The following SCIMP variants were observed in gnomAD, a reference collection of about 807,000 sequenced individuals.
The protein encoded by SCIMP is SLP adaptor and CSK interacting membrane protein.
Under a neutral mutation model 22.0 loss-of-function variants are expected in SCIMP, and 18 were observed. The ratio of observed to expected loss-of-function variants is 0.82; its 90% CI spans 0.56 to 1.21. The LOEUF (loss-of-function observed/expected upper bound fraction) is 1.21, where lower values mean the gene tolerates loss of function less well. SCIMP is among the 50% of genes most tolerant of loss of function. The pLI, the probability that SCIMP is intolerant of heterozygous loss-of-function variation, is 0.00. For synonymous variants in SCIMP, 53 were observed against 62.2 expected (o/e 0.85, Z 0.70); for missense variants, 155 against 171.2 (o/e 0.91, Z 0.53).
At chr17:5,225,771 A>C (rs1163247474) in intron 1 of SCIMP, among the ~76,000 whole-genome samples, 1 of 151,824 alleles carries the variant, frequency 6.6e-6, no homozygotes, top group African/African-American at 2.4e-5. Flanking sequence ...TGAAAAAAAA[A>C]AAAAAACACC....
chr17:5,225,770 A>C (rs2074643575), intron 1 of SCIMP, among the ~76,000 whole-genome samples: 1 of 151,852 alleles, frequency 6.6e-6, no homozygotes, highest in African/African-American at 2.4e-5. Flanking sequence ...CTGAAAAAAA[A>C]AAAAAAACAC....
chr17:5,214,860 A>AT, intron 4 of SCIMP, 65 bp downstream of exon 4: 1 of 792,392 alleles, frequency 1.3e-6, no homozygotes, highest in Non-Finnish European at 2.1e-6. Flanking sequence ...AAAAAAAAAA[A>AT]AAGACACCTT....
intron 1 of SCIMP, among the ~76,000 whole-genome samples, chr17:5,229,525 C>T (rs2074677593): frequency 1.3e-5 from 2 of 150,078 alleles, no homozygotes; most frequent in Non-Finnish European, 2.9e-5. Flanking sequence ...TCCCAAGTAG[C>T]TGGGACTACA....
chr17:5,210,629 C>T lies in SCIMP; in HGVS notation c.*172G>A, dbSNP rs531695180. On this transcript the variant is annotated 3_prime_UTR_variant, in exon 5 of 5. Coordinates refer to ENST00000574081, the MANE Select transcript of SCIMP (RefSeq NM_207103.3). ...TCTCCTCTGGCTGCAGTCATCCGAT[C>T]GCAGGGGTGTCTTCATCTAAGGTTT... is the stretch of plus-strand genomic sequence containing the variant. The T allele has an allele frequency of 1.3e-5, 10 of 782,420 alleles. No homozygotes were observed. Among genetic ancestry groups the T allele is most frequent in the East Asian group, 5.8e-5 (2 of 34,220 alleles). 48.5% of individuals were successfully genotyped at this position (782,420 alleles called of 1,614,324 possible).
intron 1 of SCIMP, among the ~76,000 whole-genome samples, chr17:5,224,940 G>C (rs997298489): frequency 6.6e-6 from 1 of 152,236 alleles, no homozygotes; most frequent in African/African-American, 2.4e-5. Flanking sequence ...AGAGTTAACA[G>C]GCATTTGGGG....
intron 3 of SCIMP, among the ~76,000 whole-genome samples, chr17:5,220,481 A>G (rs2074598546): frequency 6.6e-6 from 1 of 151,200 alleles, no homozygotes; most frequent in African/African-American, 2.4e-5. Flanking sequence ...GCTCACGTCT[A>G]TAATCCCAGC....
At chr17:5,211,620 GAA>G (rs1394361102) in intron 4 of SCIMP, among the ~76,000 whole-genome samples, 1 of 152,100 alleles carries the variant, frequency 6.6e-6, no homozygotes, top group East Asian at 1.9e-4. Context: ...ACAAGGAAGT[GAA>G]ACAAATCATA....
intron 1 of SCIMP, among the ~76,000 whole-genome samples, chr17:5,232,919 C>T (rs1257378652): frequency 1.3e-5 from 2 of 152,208 alleles, no homozygotes; most frequent in South Asian, 2.1e-4. Context: ...GCCATGTTGG[C>T]CTGGCTGGTC....
chr17:5,211,933 A>G (rs1225213070), intron 4 of SCIMP, among the ~76,000 whole-genome samples: 3 of 152,124 alleles, frequency 2.0e-5, no homozygotes, highest in African/African-American at 7.2e-5. Context: ...CTATAATCCC[A>G]GCAACTCGGG....
chr17:5,212,508 C>T (rs2074533011), intron 4 of SCIMP, among the ~76,000 whole-genome samples: 2 of 152,154 alleles, frequency 1.3e-5, no homozygotes, highest in African/African-American at 4.8e-5. Context: ...GTGGCAGGCA[C>T]CTGTAGTCCC....
chr17:5,225,396 C>G (rs1034189886), intron 1 of SCIMP, among the ~76,000 whole-genome samples: 2 of 151,752 alleles, frequency 1.3e-5, no homozygotes, highest in African/African-American at 2.4e-5. Context: ...AGCCAGGAAG[C>G]AGAGGTGGCA....
intron 3 of SCIMP, chr17:5,215,306 T>A (rs1375178219): frequency 1.6e-5 from 4 of 251,912 alleles, no homozygotes; most frequent in Non-Finnish European, 3.1e-5. Context: ...AGGCACCAGA[T>A]GTATTTCTAT....
chr17:5,219,804 C>T (rs1016859472), intron 3 of SCIMP, among the ~76,000 whole-genome samples: 1 of 152,090 alleles, frequency 6.6e-6, no homozygotes, highest in African/African-American at 2.4e-5. Context: ...ACATGACTAA[C>T]CCCCAGTAAA....
intron 4 of SCIMP, chr17:5,214,685 A>G (rs939171061): frequency 4.6e-6 from 2 of 436,058 alleles, no homozygotes; most frequent in African/African-American, 2.1e-5. Flanking sequence ...CTAAAAATAC[A>G]AAAAATTAGC....
Position 5,210,160 on chromosome 17 carries a change from T to C in SCIMP, c.*641A>G, listed in dbSNP as rs931948923. 6.6e-6 allele frequency: 1 copy of C among 152,092 alleles called. No individual in the cohort carries two copies. Among genetic ancestry groups the C allele is most frequent in the Non-Finnish European group, 1.5e-5 (1 of 68,026 alleles). The allele number at this position is 152,092 out of a possible 1,614,324, so 9.4% of individuals were successfully genotyped here. A position where few individuals can be genotyped will look rare whatever the true frequency, so the allele number is the denominator to read the frequency against. On this transcript the variant is annotated 3_prime_UTR_variant, in exon 5 of 5. Coordinates refer to ENST00000574081, the MANE Select transcript of SCIMP (RefSeq NM_207103.3). ...AAACCTAGGTGAAAACTCAAATCTC[T>C]ATGGTCAATTTGGCCTACATCATAT... is the stretch of plus-strand genomic sequence containing the variant.
At chr17:5,215,130 T>C in intron 3 of SCIMP, 132 bp from the exon 4 acceptor site, 1 of 620,284 alleles carries the variant, frequency 1.6e-6, no homozygotes, top group Non-Finnish European at 2.9e-6. Flanking sequence ...ATTGGAAGCA[T>C]TTCCTTTCCT....
At chr17:5,214,781 A>C (rs983654300) in intron 4 of SCIMP, 144 bp downstream of exon 4, 15 of 571,788 alleles carry the variant, frequency 2.6e-5, no homozygotes, top group Non-Finnish European at 4.6e-5. Flanking sequence ...CGGAGCTTGC[A>C]GTGAGCCGAG....
chr17:5,234,131 T>G (rs1193479467), intron 1 of SCIMP, among the ~76,000 whole-genome samples: 2 of 151,858 alleles, frequency 1.3e-5, no homozygotes, highest in African/African-American at 2.4e-5. Context: ...ATTAGCCAGG[T>G]GTGGTGGCGG....
intron 1 of SCIMP, chr17:5,233,848 G>C (rs117208391): frequency 6.6e-6 from 1 of 152,180 alleles, no homozygotes; most frequent in African/African-American, 2.4e-5. Context: ...TGGCTACACC[G>C]AGAACTCACG....
Sources: gnomAD v4.1 joint callset for allele counts (sites outside exome capture counted in the v4.1 genomes callset) on GRCh38, gnomAD v4.1.1 for gene constraint, MANE v1.5 for transcripts, NCBI Gene and HGNC (gene_info 2026-07-23, HGNC 2026-07-21) for gene names.